COMMD1: variants seen among roughly 807,000 people sequenced by gnomAD.
The protein encoded by COMMD1 is COMM domain-containing protein 1.
Under a neutral mutation model 17.2 loss-of-function variants are expected in COMMD1, and 10 were observed. That is an observed-to-expected ratio of 0.58 (90% CI 0.36 to 0.99). COMMD1 has a LOEUF of 0.99. Among genes scored for constraint, COMMD1 ranks in the 50% least tolerant of loss-of-function variants. COMMD1 has a pLI of 0.01. For missense variants in COMMD1, 270 were observed against 231.8 expected (o/e 1.17, Z -1.07); for synonymous variants, 97 against 91.6 (o/e 1.06, Z -0.34).
chr2:62,004,633 G>A (rs1669062911), intron 2 of COMMD1, among the ~76,000 whole-genome samples: 1 of 152,078 alleles, frequency 6.6e-6, no homozygotes, highest in Non-Finnish European at 1.5e-5. Context: ...AATATATGAA[G>A]TCAAGAAAAG....
chr2:62,108,254 A>G (rs1034695915), intron 2 of COMMD1, among the ~76,000 whole-genome samples: 1 of 152,178 alleles, frequency 6.6e-6, no homozygotes, highest in African/African-American at 2.4e-5. Flanking sequence ...ATTCTGCACT[A>G]TGTTTGTAGG....
intron 1 of COMMD1, among the ~76,000 whole-genome samples, chr2:61,948,713 T>C (rs943691007): frequency 1.3e-5 from 2 of 152,258 alleles, no homozygotes; most frequent in African/African-American, 4.8e-5. Context: ...TAAAACTTTT[T>C]ACCAATATTT....
intron 1 of COMMD1, among the ~76,000 whole-genome samples, chr2:61,914,508 G>T (rs1669999584): frequency 6.6e-6 from 1 of 151,850 alleles, no homozygotes; most frequent in Non-Finnish European, 1.5e-5. Context: ...CAGAGGTGGA[G>T]GTTGCAGTGA....
chr2:61,988,590 T>G (rs1672165903), intron 1 of COMMD1, among the ~76,000 whole-genome samples: 2 of 152,004 alleles, frequency 1.3e-5, no homozygotes, highest in Admixed American at 6.6e-5. Context: ...AAGGAAGGAG[T>G]CTCTTTTGGA....
intron 2 of COMMD1, among the ~76,000 whole-genome samples, chr2:62,113,064 A>G (rs1357643166): frequency 1.3e-5 from 2 of 152,160 alleles, no homozygotes; most frequent in African/African-American, 2.4e-5. Flanking sequence ...ACAAAAGCAT[A>G]TATGGACTGG....
chr2:61,954,764 C>T (rs752448232), intron 1 of COMMD1, among the ~76,000 whole-genome samples: 1 of 152,146 alleles, frequency 6.6e-6, no homozygotes, highest in Non-Finnish European at 1.5e-5. Flanking sequence ...TCATTGCAGC[C>T]TCCACCTTCC....
At chr2:61,939,297 CAAAAAAA>C (rs1194444288) in intron 1 of COMMD1, among the ~76,000 whole-genome samples, 3 of 65,272 alleles carry the variant, frequency 4.6e-5, no homozygotes, top group African/African-American at 9.6e-5. Flanking sequence ...ACTAAAAATA[CAAAAAAA>C]AAAAAAAAAA....
chr2:62,062,013 A>T (rs1008059356), intron 2 of COMMD1, among the ~76,000 whole-genome samples: 1 of 151,704 alleles, frequency 6.6e-6, no homozygotes, highest in Admixed American at 6.6e-5. Context: ...GAAACAAAAA[A>T]ACCATAAAAA....
intron 2 of COMMD1, among the ~76,000 whole-genome samples, chr2:62,077,497 G>C (rs1006354654): frequency 6.6e-6 from 1 of 152,044 alleles, no homozygotes; most frequent in East Asian, 1.9e-4. Flanking sequence ...ACATTGTTAC[G>C]CATGTCATAG....
At chr2:62,025,163 T>A (rs1487040113) in intron 2 of COMMD1, among the ~76,000 whole-genome samples, 1 of 151,894 alleles carries the variant, frequency 6.6e-6, no homozygotes, top group African/African-American at 2.4e-5. Context: ...GAGGTTGCAA[T>A]GAGCCAAGAT....
At chr2:61,918,808 T>C (rs991190851) in intron 1 of COMMD1, among the ~76,000 whole-genome samples, 9 of 152,114 alleles carry the variant, frequency 5.9e-5, no homozygotes, top group African/African-American at 2.2e-4. Context: ...TGCAGAAATA[T>C]GAAAAAAAAT....
intron 2 of COMMD1, among the ~76,000 whole-genome samples, chr2:62,006,756 T>A (rs1669133249): frequency 6.6e-6 from 1 of 152,216 alleles, no homozygotes; most frequent in Admixed American, 6.6e-5. Flanking sequence ...TTAGAAATGT[T>A]TTATATTTAT....
At chr2:62,104,432 A>G (rs1477985724) in intron 2 of COMMD1, among the ~76,000 whole-genome samples, 2 of 150,930 alleles carry the variant, frequency 1.3e-5, no homozygotes, top group East Asian at 2.0e-4. Flanking sequence ...TCAGGAGTTC[A>G]AGACCAGCCT....
At chr2:62,068,145 A>G (rs1465921436) in intron 2 of COMMD1, among the ~76,000 whole-genome samples, 3 of 152,208 alleles carry the variant, frequency 2.0e-5, no homozygotes, top group African/African-American at 7.2e-5. Flanking sequence ...AGACCTACAG[A>G]TATTTGGTCA....
intron 1 of COMMD1, among the ~76,000 whole-genome samples, chr2:61,959,728 T>C (rs1320789728): frequency 1.3e-5 from 2 of 152,200 alleles, no homozygotes; most frequent in Non-Finnish European, 2.9e-5. Context: ...TTTTTGGTGT[T>C]GCAAAAAAAG....
At chr2:61,985,404 T>A (rs1234552875) in intron 1 of COMMD1, among the ~76,000 whole-genome samples, 1 of 152,152 alleles carries the variant, frequency 6.6e-6, no homozygotes, top group Non-Finnish European at 1.5e-5. Flanking sequence ...GATCATTGGA[T>A]CTTGTTTTTT....
At chr2:62,129,736 C>CTCTT in intron 2 of COMMD1, among the ~76,000 whole-genome samples, 1 of 152,306 alleles carries the variant, frequency 6.6e-6, no homozygotes, top group Non-Finnish European at 1.5e-5. Flanking sequence ...CTCCCTCTTC[C>CTCTT]TCTTTCTCTC....
chr2:62,061,013 C>CT (rs776512050), intron 2 of COMMD1, among the ~76,000 whole-genome samples: 25 of 151,850 alleles, frequency 1.6e-4, no homozygotes, highest in Non-Finnish European at 2.2e-4. Context: ...GGAATTTTTT[C>CT]TTTTTTACCT....
chr2:62,011,202 T>A (rs1669267904), intron 2 of COMMD1, among the ~76,000 whole-genome samples: 1 of 152,224 alleles, frequency 6.6e-6, no homozygotes, highest in Non-Finnish European at 1.5e-5. Flanking sequence ...TGCTTTATGT[T>A]TTATATTTAC....
Sources: allele counts gnomAD v4.1 joint callset (sites outside exome capture counted in the v4.1 genomes callset), GRCh38; gene constraint gnomAD v4.1.1; transcripts MANE v1.5; gene names NCBI Gene and HGNC (gene_info 2026-07-23, HGNC 2026-07-21).